FADS2: variants seen among roughly 807,000 people sequenced by gnomAD.
The protein encoded by FADS2 is acyl-CoA 6-desaturase.
Under a neutral mutation model 61.2 loss-of-function variants are expected in FADS2, and 18 were observed. The ratio of observed to expected loss-of-function variants is 0.29; its 90% confidence interval spans 0.20 to 0.44. The LOEUF (loss-of-function observed/expected upper bound fraction) is 0.44. FADS2 is among the 20% of genes least tolerant of loss of function. The pLI is 1.00. For missense variants in FADS2, 322 were observed against 572.7 expected, an observed-to-expected ratio of 0.56 and a Z score of 4.47; for synonymous variants, 203 against 223.9, an observed-to-expected ratio of 0.91 and a Z score of 0.83.
intron 1 of FADS2, among the ~76,000 whole-genome samples, chr11:61,836,226 C>T (rs2067173141): frequency 6.6e-6 from 1 of 151,922 alleles, no homozygotes; most frequent in Admixed American, 6.6e-5. Context: ...GCCTCCTGAG[C>T]AGCTGGGATT....
intron 4 of FADS2, among the ~76,000 whole-genome samples, chr11:61,845,398 T>C (rs1180415371): frequency 6.6e-6 from 1 of 152,210 alleles, no homozygotes. Flanking sequence ...CACCACATTC[T>C]GGGAACACGG....
chr11:61,837,767 C>T lies in FADS2; in HGVS notation c.208-11C>T. 1 of 1,595,370 alleles carries T rather than the reference C, an allele frequency of 6.3e-7. No homozygotes were observed. Among genetic ancestry groups the T allele is most frequent in the South Asian group, 1.1e-5 (1 of 88,806 alleles). On this transcript the variant is annotated splice_polypyrimidine_tract_variant and intron_variant, in intron 1 of 11. Coordinates refer to ENST00000278840, the MANE Select transcript of FADS2 (RefSeq NM_004265.4). ...CAGGTCTTAGCCTCATCACTGCCCT[C>T]TGCTCTCCAGGATGCCTTCCGCGCC...
chr11:61,856,811 C>CT, intron 5 of FADS2, 200 bp from the exon 6 acceptor site: 1 of 588,280 alleles, frequency 1.7e-6, no homozygotes, highest in Non-Finnish European at 3.0e-6. Context: ...GAAGCGTTGG[C>CT]CGCTGCTGGC....
intron 5 of FADS2, among the ~76,000 whole-genome samples, chr11:61,852,708 T>C (rs996779393): frequency 6.6e-6 from 1 of 152,226 alleles, no homozygotes. Flanking sequence ...TTCTTTTTTT[T>C]CTAAATTTTT....
intron 7 of FADS2, among the ~76,000 whole-genome samples, chr11:61,859,939 C>CT (rs11407273): frequency 0.44 from 66,832 of 151,980 alleles, 16,559 homozygotes; most frequent in East Asian, 0.68. Flanking sequence ...TGAGCAACTT[C>CT]TTTTTTTTGT....
chr11:61,863,982 T>C, intron 10 of FADS2, 196 bp downstream of exon 10: 1 of 565,232 alleles, frequency 1.8e-6, no homozygotes. Flanking sequence ...TCCCTGAGGG[T>C]CATCCTGTGC....
chr11:61,843,956 C>T (rs145244901), intron 4 of FADS2, among the ~76,000 whole-genome samples: 79 of 151,986 alleles, frequency 5.2e-4, no homozygotes, highest in East Asian at 3.9e-4. Flanking sequence ...CCACCACGCC[C>T]GGCCTGCAAT....
upstream of FADS2, among the ~76,000 whole-genome samples, chr11:61,823,937 A>G (rs909268997): frequency 1.3e-5 from 2 of 152,170 alleles, no homozygotes; most frequent in South Asian, 2.1e-4. Flanking sequence ...AATAGTTATG[A>G]CTTTCACCAC....
At chr11:61,817,624 G>A (rs1299615557) in intron 1 of FADS2, among the ~76,000 whole-genome samples, 1 of 152,182 alleles carries the variant, frequency 6.6e-6, no homozygotes, top group African/African-American at 2.4e-5. Flanking sequence ...CACCTGAAAA[G>A]CCTGGGTCTT....
intron 4 of FADS2, among the ~76,000 whole-genome samples, chr11:61,845,387 G>A (rs2067248751): frequency 6.6e-6 from 1 of 152,202 alleles, no homozygotes; most frequent in Non-Finnish European, 1.5e-5. Flanking sequence ...GGCAACATCT[G>A]CACCACATTC....
Position 61,816,359 on chromosome 11 carries a change from C to G in FADS2, c.74C>G (p.Pro25Arg), listed in dbSNP as rs2135943385. The G allele has an allele frequency of 6.3e-7, 1 of 1,598,462 alleles. No individual in the cohort carries two copies. Among genetic ancestry groups the G allele is most frequent in the East Asian group, 2.2e-5 (1 of 44,876 alleles). ...GCCTCCATCCCCACTCCCCAGACTC[C>G]ACTTCTCCAGGCCTCTCTCCCGCCT... The change falls in exon 1 of 12, where the codon CCA becomes CGA. Residue 25 changes from proline (P) to arginine (R), a missense_variant. Pro to Arg is a moderately radical substitution (Grantham distance 103, BLOSUM62 -2). Coordinates refer to the FADS2 transcript ENST00000257261. The surrounding 1 kb of genome is among the most constrained non-coding windows in gnomAD (Gnocchi z 7.0).
intron 1 of FADS2, among the ~76,000 whole-genome samples, chr11:61,820,877 G>A (rs973318819): frequency 1.3e-5 from 2 of 152,146 alleles, no homozygotes; most frequent in African/African-American, 4.8e-5. Flanking sequence ...TCCAGCCTGG[G>A]TGACAGAGCC....
At chr11:61,852,181 C>T (rs990444202) in intron 5 of FADS2, among the ~76,000 whole-genome samples, 1 of 152,202 alleles carries the variant, frequency 6.6e-6, no homozygotes, top group Non-Finnish European at 1.5e-5. Context: ...GGGCCACACT[C>T]ACACTCATTC....
At chr11:61,817,529 TTTG>T (rs2135944863) in intron 1 of FADS2, among the ~76,000 whole-genome samples, 1 of 152,354 alleles carries the variant, frequency 6.6e-6, no homozygotes, top group African/African-American at 2.4e-5. Flanking sequence ...TTTGCCTCTT[TTTG>T]TTTTTATTTT....
chr11:61,824,297 G>A (rs1456488938), upstream of FADS2, among the ~76,000 whole-genome samples: 2 of 150,748 alleles, frequency 1.3e-5, no homozygotes, highest in Non-Finnish European at 3.0e-5. Context: ...CAGGAGAATC[G>A]CTTGAACCCG....
rs141966108 is a variant in FADS2, at chr11:61,833,222, G to A, written c.208-4556G>A. On this transcript the variant is annotated intron_variant, in intron 1 of 11. Transcript: ENST00000278840. ...CAATCCTTTCTCTTCCCCATGTCCC[G>A]GGTCCTCTTCCTGGAAAGTCTCTGG... Among the ~76,000 whole-genome samples the A allele has an allele frequency of 4.6e-5, 7 of 152,036 alleles. No homozygotes were observed. The East Asian group carries it at 7.7e-4, about 17-fold the overall frequency.
At chr11:61,821,557 T>C in intron 1 of FADS2, 1 of 634,682 alleles carries the variant, frequency 1.6e-6, no homozygotes, top group South Asian at 1.8e-5. Flanking sequence ...TCAACACATA[T>C]AGGAGAAGCA....
chr11:61,845,180 C>G (rs990767500), intron 4 of FADS2, among the ~76,000 whole-genome samples: 1 of 151,866 alleles, frequency 6.6e-6, no homozygotes, highest in African/African-American at 2.4e-5. Context: ...CTCCCGTAGG[C>G]TCTTGCCTCT....
intron 1 of FADS2, chr11:61,821,540 T>C (rs1456670063): frequency 4.5e-6 from 3 of 662,642 alleles, no homozygotes; most frequent in African/African-American, 1.8e-5. Context: ...CTGGATCCTT[T>C]ACAAAGTCAA....
Sources: allele counts gnomAD v4.1 joint callset (sites outside exome capture counted in the v4.1 genomes callset), GRCh38; gene constraint gnomAD v4.1.1; non-coding constraint Gnocchi (gnomAD v3.1); transcripts MANE v1.5; gene names NCBI Gene and HGNC (gene_info 2026-07-23, HGNC 2026-07-21).